Variants in LRP1B observed in about 807,000 individuals in gnomAD.
LRP1B encodes low-density lipoprotein receptor-related protein 1B.
In LRP1B, 217 loss-of-function variants were observed where a neutral mutation model predicts 556.6. The observed-to-expected ratio is 0.39, with a 90% CI of 0.35 to 0.44. LRP1B has a LOEUF of 0.44. LRP1B is among the 20% of genes least tolerant of loss of function. The pLI is 1.00. For missense variants in LRP1B, 5,053 were observed against 5,620.8 expected (o/e 0.90, Z 3.23); for synonymous variants, 2,047 against 1,865.8 (o/e 1.10, Z -2.50).
At chr2:140,388,348 C>G (rs1375101317) in intron 66 of LRP1B, among the ~76,000 whole-genome samples, 4 of 152,098 alleles carry the variant, frequency 2.6e-5, no homozygotes, top group African/African-American at 9.7e-5. Context: ...AGCACTGACT[C>G]TCAGCACAAC....
chr2:141,790,241 A>C (rs1695567962), intron 2 of LRP1B, among the ~76,000 whole-genome samples: 1 of 151,914 alleles, frequency 6.6e-6, no homozygotes, highest in African/African-American at 2.4e-5. Flanking sequence ...TCAGTTACTT[A>C]ATTAAAATAA....
At chr2:140,725,925 T>C (rs1687578884) in intron 35 of LRP1B, among the ~76,000 whole-genome samples, 3 of 152,142 alleles carry the variant, frequency 2.0e-5, no homozygotes. Flanking sequence ...TGCATTTGCG[T>C]AGTTTAAATT....
At chr2:141,644,366 C>G (rs1689469127) in intron 2 of LRP1B, among the ~76,000 whole-genome samples, 1 of 151,944 alleles carries the variant, frequency 6.6e-6, no homozygotes, top group Non-Finnish European at 1.5e-5. Context: ...TCTTGCTGCC[C>G]CATGTAAGAA....
intron 2 of LRP1B, among the ~76,000 whole-genome samples, chr2:141,732,972 G>A (rs1693331865): frequency 6.6e-6 from 1 of 152,048 alleles, no homozygotes; most frequent in South Asian, 2.1e-4. Context: ...AAAAAGCAGA[G>A]CCTCAGCAGG....
At chr2:140,974,834 G>A (rs1434814302) in intron 18 of LRP1B, among the ~76,000 whole-genome samples, 1 of 152,202 alleles carries the variant, frequency 6.6e-6, no homozygotes, top group African/African-American at 2.4e-5. Flanking sequence ...GGAGAGACCA[G>A]TGGACCAACC....
chr2:141,759,408 T>C (rs1694451451), intron 2 of LRP1B, among the ~76,000 whole-genome samples: 1 of 151,836 alleles, frequency 6.6e-6, no homozygotes, highest in Non-Finnish European at 1.5e-5. Context: ...AGATGAAAAA[T>C]AAATTGAGGA....
intron 53 of LRP1B, among the ~76,000 whole-genome samples, chr2:140,506,148 A>C (rs566884819): frequency 6.6e-6 from 1 of 152,256 alleles, no homozygotes; most frequent in South Asian, 2.1e-4. Context: ...TGATTTGGCT[A>C]TACAACTGAA....
At chr2:141,965,821 G>GT (rs1271920118) in intron 1 of LRP1B, among the ~76,000 whole-genome samples, 162 of 133,334 alleles carry the variant, frequency 1.2e-3, no homozygotes, top group Middle Eastern at 4.1e-3. Flanking sequence ...AAAGAAAATT[G>GT]TTTTTTTTTT....
At chr2:141,330,229 A>C (rs548783233) in intron 3 of LRP1B, among the ~76,000 whole-genome samples, 4 of 152,332 alleles carry the variant, frequency 2.6e-5, no homozygotes, top group African/African-American at 9.6e-5. Flanking sequence ...CAAATATGTC[A>C]ACAGAACTAT....
At chr2:140,556,719 C>T (rs902486402) in intron 43 of LRP1B, among the ~76,000 whole-genome samples, 1 of 144,246 alleles carries the variant, frequency 6.9e-6, no homozygotes, top group Non-Finnish European at 1.5e-5. Flanking sequence ...TGATTGCCAA[C>T]CAAAACAAAC....
chr2:140,825,212 T>C (rs1421731578), intron 31 of LRP1B, among the ~76,000 whole-genome samples: 7 of 152,094 alleles, frequency 4.6e-5, no homozygotes, highest in Admixed American at 4.6e-4. Context: ...TAAGAAGAGA[T>C]AGGAGACATT....
intron 7 of LRP1B, among the ~76,000 whole-genome samples, chr2:141,070,503 T>C (rs981153936): frequency 4.6e-5 from 7 of 151,504 alleles, no homozygotes; most frequent in African/African-American, 1.7e-4. Context: ...ATAACTAAAA[T>C]CAGAACAGAA....
In LRP1B at chr2:140,713,504, C is replaced by T. The variant is rs926631617; in HGVS notation, c.6023+2469G>A. The stretch of plus-strand genomic sequence containing the variant: ...TTTATGTTAAAGAATGTTACAACTT[C>T]GATAAACTCACATCACAACTCTGAT... On this transcript the variant is annotated intron_variant, in intron 37 of 90. Transcript: ENST00000389484. 1.7e-4 allele frequency among the ~76,000 whole-genome samples: 26 copies of T among 152,046 alleles called. 1 individual carries two copies. The East Asian group carries it at 4.5e-3, about 26-fold the overall frequency.
chr2:140,892,297 A>G (rs1414022526), intron 23 of LRP1B, among the ~76,000 whole-genome samples: 1 of 152,126 alleles, frequency 6.6e-6, no homozygotes, highest in East Asian at 1.9e-4. Flanking sequence ...GATGAAGTTC[A>G]TAGATGGGTG....
chr2:140,233,000 C>T lies in LRP1B; in HGVS notation c.*186G>A. On this transcript the variant is annotated 3_prime_UTR_variant, in exon 91 of 91. Transcript: ENST00000389484. ...GTGCAGTTCTTTTTCATAAAAATAC[C>T]ATACAAATGGTCAATCAATAGTCAT... is the stretch of plus-strand genomic sequence containing the variant. 1 of 416,822 alleles carries T rather than the reference C, an allele frequency of 2.4e-6. No individual in the cohort carries two copies. Among genetic ancestry groups the T allele is most frequent in the Non-Finnish European group, 4.2e-6 (1 of 236,130 alleles). The allele number at this position is 416,822 out of a possible 1,614,324, so 25.8% of individuals were successfully genotyped here.
chr2:140,335,861 A>G, intron 77 of LRP1B, 23 bp from the exon 78 acceptor site: 1 of 1,431,184 alleles, frequency 7.0e-7, no homozygotes, highest in Non-Finnish European at 9.8e-7. Context: ...AAAACAACAC[A>G]CCACGGTATT....
At chr2:141,217,862 A>G (rs985670600) in intron 6 of LRP1B, among the ~76,000 whole-genome samples, 2 of 152,176 alleles carry the variant, frequency 1.3e-5, no homozygotes, top group Admixed American at 1.3e-4. Flanking sequence ...CAAAATCTTT[A>G]AGGAACTTTA....
intron 1 of LRP1B, among the ~76,000 whole-genome samples, chr2:141,830,955 T>A (rs1697094611): frequency 1.3e-5 from 2 of 151,780 alleles, no homozygotes; most frequent in African/African-American, 4.8e-5. Flanking sequence ...GTTTGAATAC[T>A]GTGCTATTGA....
At chr2:140,650,309 TTTTA>T (rs67816685) in intron 41 of LRP1B, among the ~76,000 whole-genome samples, 36,838 of 137,480 alleles carry the variant, frequency 0.27, 5,138 homozygotes, top group Non-Finnish European at 0.3. Context: ...TTATTTTTAT[TTTTA>T]TTTATTTATT....
Sources: allele counts gnomAD v4.1 joint callset (sites outside exome capture counted in the v4.1 genomes callset), GRCh38; gene constraint gnomAD v4.1.1; transcripts MANE v1.5; gene names NCBI Gene and HGNC (gene_info 2026-07-23, HGNC 2026-07-21).